FHOD3: variants seen among roughly 807,000 people sequenced by gnomAD.
The protein encoded by FHOD3 is FH1/FH2 domain-containing protein 3.
In FHOD3, 90 loss-of-function variants were observed where a neutral mutation model predicts 173.0. The observed-to-expected ratio is 0.52, with a 90% CI of 0.44 to 0.62. The LOEUF (loss-of-function observed/expected upper bound fraction) is 0.62. Among genes scored for constraint, FHOD3 ranks in the 20% least tolerant of loss-of-function variants. FHOD3 has a pLI of 0.00. For missense variants in FHOD3, 1,945 were observed against 2,034.7 expected, an observed-to-expected ratio of 0.96 and a Z score of 0.85; for synonymous variants, 828 against 823.0, an observed-to-expected ratio of 1.01 and a Z score of -0.10.
chr18:36,517,872 C>A (rs1279686631), intron 5 of FHOD3, among the ~76,000 whole-genome samples: 3 of 151,974 alleles, frequency 2.0e-5, no homozygotes, highest in African/African-American at 7.3e-5. Context: ...TGACTATAGT[C>A]CACTATAGGA....
intron 14 of FHOD3, among the ~76,000 whole-genome samples, chr18:36,660,125 C>T (rs572331688): frequency 2.6e-5 from 4 of 152,186 alleles, no homozygotes; most frequent in Admixed American, 2.0e-4. Context: ...AAAACTTAGC[C>T]GAGTGTGGTG....
At chr18:36,707,755 C>A (rs2039963313) in intron 17 of FHOD3, among the ~76,000 whole-genome samples, 1 of 152,166 alleles carries the variant, frequency 6.6e-6, no homozygotes, top group African/African-American at 2.4e-5. Context: ...CGCAGGATGC[C>A]TCCACAGAGA....
chr18:36,627,391 G>A lies in FHOD3; in HGVS notation c.1196+1642G>A, dbSNP rs74759075. ...TGTTACACTTTTCGAGGATTCCTGT[G>A]TTGTGAGTTCAGGTGACAATGCTTT... On this transcript the variant is annotated intron_variant, in intron 10 of 28. Coordinates refer to ENST00000590592, the MANE Select transcript of FHOD3 (RefSeq NM_001281740.3). Among the ~76,000 whole-genome samples the A allele has an allele frequency of 9.5e-4, 145 of 152,254 alleles. 1 individual carries two copies. The East Asian group carries it at 0.023, about 24-fold the overall frequency.
intron 23 of FHOD3, among the ~76,000 whole-genome samples, chr18:36,746,181 T>G (rs528007532): frequency 6.6e-6 from 1 of 152,182 alleles, no homozygotes; most frequent in Non-Finnish European, 1.5e-5. Flanking sequence ...CGTCCCTGAA[T>G]ACACAGCCAG....
intron 2 of FHOD3, among the ~76,000 whole-genome samples, chr18:36,362,706 C>T (rs1263644802): frequency 1.3e-5 from 2 of 152,136 alleles, no homozygotes; most frequent in African/African-American, 2.4e-5. Context: ...GGTGGCAGCA[C>T]CCAGATGATC....
chr18:36,447,504 T>C (rs909174416), intron 3 of FHOD3, among the ~76,000 whole-genome samples: 1 of 137,088 alleles, frequency 7.3e-6, no homozygotes, highest in South Asian at 2.2e-4. Context: ...TTGTTTGTTT[T>C]TTCCCCCAAT....
At chr18:36,402,369 A>G (rs1166740056) in intron 3 of FHOD3, among the ~76,000 whole-genome samples, 1 of 151,928 alleles carries the variant, frequency 6.6e-6, no homozygotes, top group Non-Finnish European at 1.5e-5. Flanking sequence ...TACACACATA[A>G]CCCATGCCAC....
intron 2 of FHOD3, among the ~76,000 whole-genome samples, chr18:36,358,050 C>A (rs2046444023): frequency 6.6e-6 from 1 of 152,202 alleles, no homozygotes; most frequent in Non-Finnish European, 1.5e-5. Context: ...AATTATCATA[C>A]TAGTCATGTA....
intron 6 of FHOD3, among the ~76,000 whole-genome samples, chr18:36,577,945 C>T (rs759289873): frequency 6.6e-6 from 1 of 152,130 alleles, no homozygotes; most frequent in Non-Finnish European, 1.5e-5. Flanking sequence ...TGAAAGGGAC[C>T]CTGTCCTGAG....
chr18:36,574,536 T>A lies in FHOD3; in HGVS notation c.512-1915T>A, dbSNP rs373296587. On this transcript the variant is annotated intron_variant, in intron 5 of 28. Transcript: ENST00000590592. ...ATCTAGTATAATTTTATATCAAACTTTCATATGCTGCATTCAAATGCTGCA... is the reference window on the plus strand; with the variant it reads ...ATCTAGTATAATTTTATATCAAACTATCATATGCTGCATTCAAATGCTGCA... Among the ~76,000 whole-genome samples, 106 of 152,240 alleles carry A rather than the reference T, an allele frequency of 7.0e-4. 1 individual carries two copies. The highest frequency in any genetic ancestry group is 3.4e-3 in the Middle Eastern group (1 of 294).
intron 3 of FHOD3, among the ~76,000 whole-genome samples, chr18:36,496,874 G>A (rs931554826): frequency 6.6e-6 from 1 of 152,194 alleles, no homozygotes; most frequent in East Asian, 1.9e-4. Context: ...TGTAACAGAT[G>A]CCACATGGTG....
intron 1 of FHOD3, among the ~76,000 whole-genome samples, chr18:36,351,548 T>C (rs2046128497): frequency 6.6e-6 from 1 of 152,234 alleles, no homozygotes; most frequent in Non-Finnish European, 1.5e-5. Context: ...ATGTGTTCCT[T>C]GGTGCCCTGC....
At chr18:36,667,203 C>G (rs2037238535) in intron 14 of FHOD3, among the ~76,000 whole-genome samples, 1 of 152,088 alleles carries the variant, frequency 6.6e-6, no homozygotes, top group African/African-American at 2.4e-5. Context: ...TTTCATTTCT[C>G]TTGGGTAAAT....
intron 6 of FHOD3, among the ~76,000 whole-genome samples, chr18:36,592,569 T>C (rs550365044): frequency 6.6e-6 from 1 of 152,192 alleles, no homozygotes; most frequent in Admixed American, 6.5e-5. Flanking sequence ...TGGGGAGTGA[T>C]TGAGGCTTGA....
chr18:36,320,418 C>A (rs917161650), intron 1 of FHOD3, among the ~76,000 whole-genome samples: 1 of 152,296 alleles, frequency 6.6e-6, no homozygotes, highest in African/African-American at 2.4e-5. Context: ...CATACACCCT[C>A]CCAAGACTAA....
At chr18:36,599,722 T>C (rs1006960281) in intron 7 of FHOD3, among the ~76,000 whole-genome samples, 4 of 152,150 alleles carry the variant, frequency 2.6e-5, no homozygotes, top group Admixed American at 2.0e-4. Context: ...TTATCTGGGT[T>C]AAGAGAGGAC....
At chr18:36,443,129 G>A (rs2051249898) in intron 3 of FHOD3, among the ~76,000 whole-genome samples, 1 of 152,184 alleles carries the variant, frequency 6.6e-6, no homozygotes, top group African/African-American at 2.4e-5. Flanking sequence ...ATTACTTGGG[G>A]TAGTGGTTTC....
intron 7 of FHOD3, among the ~76,000 whole-genome samples, chr18:36,598,953 G>A (rs1300054748): frequency 1.3e-5 from 2 of 152,222 alleles, no homozygotes; most frequent in Non-Finnish European, 2.9e-5. Flanking sequence ...GGCATGGTAT[G>A]GTATTAATAT....
At chr18:36,339,933 G>A (rs1345153300) in intron 1 of FHOD3, among the ~76,000 whole-genome samples, 3 of 152,142 alleles carry the variant, frequency 2.0e-5, no homozygotes, top group Admixed American at 1.3e-4. Context: ...GTGACCCTAT[G>A]CATAAACCCT....
Sources: gnomAD v4.1 joint callset for allele counts (sites outside exome capture counted in the v4.1 genomes callset) on GRCh38, gnomAD v4.1.1 for gene constraint, MANE v1.5 for transcripts, NCBI Gene and HGNC (gene_info 2026-07-23, HGNC 2026-07-21) for gene names.